Variants in EBF2 observed in about 807,000 individuals in gnomAD.
EBF2 encodes transcription factor COE2.
Under a neutral mutation model 72.8 loss-of-function variants are expected in EBF2, and 21 were observed. The observed-to-expected ratio is 0.29, with a 90% CI of 0.20 to 0.42. The LOEUF (loss-of-function observed/expected upper bound fraction) is 0.42, where lower values mean the gene tolerates loss of function less well. Among genes scored for constraint, EBF2 ranks in the 10% least tolerant of loss-of-function variants. The pLI is 1.00. For missense variants in EBF2, 637 were observed against 731.2 expected (o/e 0.87, Z 1.49); for synonymous variants, 299 against 274.2 (o/e 1.09, Z -0.89).
intron 6 of EBF2, among the ~76,000 whole-genome samples, chr8:25,974,976 C>A (rs1804245965): frequency 6.6e-6 from 1 of 152,118 alleles, no homozygotes; most frequent in South Asian, 2.1e-4. Flanking sequence ...ATCAATTTCT[C>A]AAATAAGCAT....
At chr8:25,988,781 T>C (rs1346604826) in intron 6 of EBF2, among the ~76,000 whole-genome samples, 1 of 152,220 alleles carries the variant, frequency 6.6e-6, no homozygotes, top group East Asian at 1.9e-4. Context: ...AGGACCATTT[T>C]GCAGATAAGG....
At chr8:26,030,307 C>T (rs190739611) in intron 6 of EBF2, among the ~76,000 whole-genome samples, 5 of 152,040 alleles carry the variant, frequency 3.3e-5, no homozygotes, top group Admixed American at 1.3e-4. Flanking sequence ...TGCAGTGTTT[C>T]GTTTTTTGTC....
chr8:25,871,755 A>G (rs1282334491), intron 10 of EBF2, among the ~76,000 whole-genome samples: 1 of 152,202 alleles, frequency 6.6e-6, no homozygotes, highest in Non-Finnish European at 1.5e-5. Context: ...AAAAACTTTC[A>G]TCAATACCTT....
intron 6 of EBF2, among the ~76,000 whole-genome samples, chr8:25,922,328 A>C (rs572559478): frequency 6.6e-6 from 1 of 152,210 alleles, no homozygotes; most frequent in South Asian, 2.1e-4. Context: ...ATAAATCTGC[A>C]TAATTTCTAA....
At chr8:25,873,891 T>C (rs947778040) in intron 10 of EBF2, among the ~76,000 whole-genome samples, 4 of 152,202 alleles carry the variant, frequency 2.6e-5, no homozygotes, top group Non-Finnish European at 4.4e-5. Context: ...GGGGCTGGGA[T>C]GTCTCTAGTG....
intron 6 of EBF2, among the ~76,000 whole-genome samples, chr8:26,022,968 T>A (rs1393411832): frequency 1.3e-5 from 2 of 152,226 alleles, no homozygotes; most frequent in Non-Finnish European, 1.5e-5. Flanking sequence ...TCTTACAAGA[T>A]TCTAATTCGC....
chr8:25,876,999 C>T (rs1338307649), intron 10 of EBF2, among the ~76,000 whole-genome samples: 6 of 152,156 alleles, frequency 3.9e-5, no homozygotes, highest in African/African-American at 1.4e-4. Flanking sequence ...AACCAGCTGT[C>T]TAATGTGTAG....
intron 6 of EBF2, among the ~76,000 whole-genome samples, chr8:25,942,652 G>C (rs1431631185): frequency 6.6e-6 from 1 of 152,218 alleles, no homozygotes; most frequent in Non-Finnish European, 1.5e-5. Flanking sequence ...TGAAAGGCTT[G>C]TCTAACTCGA....
intron 6 of EBF2, among the ~76,000 whole-genome samples, chr8:25,969,111 TC>T: frequency 6.6e-6 from 1 of 152,162 alleles, no homozygotes; most frequent in Non-Finnish European, 1.5e-5. Flanking sequence ...CTCTGGATTC[TC>T]TCCCCCATAT....
intron 7 of EBF2, among the ~76,000 whole-genome samples, chr8:25,900,076 T>A (rs550403304): frequency 1.3e-5 from 2 of 152,244 alleles, no homozygotes; most frequent in Admixed American, 1.3e-4. Context: ...AGCAGGCCCA[T>A]CCTGGGCTTG....
intron 6 of EBF2, among the ~76,000 whole-genome samples, chr8:25,963,141 C>G (rs565063758): frequency 3.5e-4 from 53 of 152,278 alleles, no homozygotes; most frequent in African/African-American, 1.2e-3. Context: ...AGTTTGGACT[C>G]TCAGATATGG....
rs1805672725 is a variant in EBF2, at chr8:26,044,706, T to A, written c.131+23A>T. 1 of 1,612,326 alleles carries A rather than the reference T, an allele frequency of 6.2e-7. No individual in the cohort carries two copies. Among genetic ancestry groups the A allele is most frequent in the African/African-American group, 1.3e-5 (1 of 74,816 alleles). ...ACCGTAAGAGCGAGAGACAGCATAATAATTGCGCGGCCGTGTCGTTACCTC... is the reference window on the plus strand; with the variant it reads ...ACCGTAAGAGCGAGAGACAGCATAAAAATTGCGCGGCCGTGTCGTTACCTC... On this transcript the variant is annotated intron_variant, in intron 1 of 15. Transcript: ENST00000520164. The surrounding 1 kb of genome is among the most constrained non-coding windows in gnomAD (Gnocchi z 4.1).
intron 6 of EBF2, among the ~76,000 whole-genome samples, chr8:25,954,818 AGT>A (rs1803917395): frequency 6.6e-6 from 1 of 152,166 alleles, no homozygotes; most frequent in Non-Finnish European, 1.5e-5. Flanking sequence ...GGCACCCCGC[AGT>A]GCTGGAGGAC....
intron 6 of EBF2, among the ~76,000 whole-genome samples, chr8:26,014,739 T>C (rs1388000536): frequency 7.9e-5 from 12 of 152,212 alleles, no homozygotes; most frequent in Non-Finnish European, 1.5e-4. Flanking sequence ...CCAAAAGTCG[T>C]GAACTACATA....
intron 6 of EBF2, among the ~76,000 whole-genome samples, chr8:25,978,902 C>T (rs904150404): frequency 6.6e-6 from 1 of 152,152 alleles, no homozygotes; most frequent in Non-Finnish European, 1.5e-5. Flanking sequence ...GGGTCTGACG[C>T]TGGGCGGGGG....
At chr8:25,969,524 G>A (rs577773710) in intron 6 of EBF2, among the ~76,000 whole-genome samples, 7 of 152,344 alleles carry the variant, frequency 4.6e-5, no homozygotes, top group Non-Finnish European at 8.8e-5. Flanking sequence ...CATCCATGGA[G>A]CACCTATCCC....
chr8:25,847,804 G>C (rs902562422), intron 15 of EBF2, among the ~76,000 whole-genome samples: 2 of 152,104 alleles, frequency 1.3e-5, no homozygotes, highest in African/African-American at 4.8e-5. Flanking sequence ...TATTTTCATA[G>C]ATTTTTTGCA....
intron 10 of EBF2, among the ~76,000 whole-genome samples, chr8:25,877,080 A>G (rs1802534293): frequency 6.6e-6 from 1 of 152,206 alleles, no homozygotes; most frequent in Admixed American, 6.5e-5. Context: ...GTCCTCACAC[A>G]CTGTGTTTTG....
intron 6 of EBF2, among the ~76,000 whole-genome samples, chr8:26,016,613 T>C (rs965994874): frequency 6.6e-6 from 1 of 152,206 alleles, no homozygotes; most frequent in African/African-American, 2.4e-5. Flanking sequence ...TATTTATTTA[T>C]GCTTTTATAA....
Sources: gnomAD v4.1 joint callset for allele counts (sites outside exome capture counted in the v4.1 genomes callset) on GRCh38, gnomAD v4.1.1 for gene constraint, Gnocchi (gnomAD v3.1) non-coding constraint, MANE v1.5 for transcripts, NCBI Gene and HGNC (gene_info 2026-07-23, HGNC 2026-07-21) for gene names.